Variants in SYT1 observed in about 807,000 individuals in gnomAD.
SYT1 encodes the protein synaptotagmin 1, also known as synaptotagmin-1.
A neutral mutation model predicts 44.8 loss-of-function variants in SYT1; 8 were observed. The ratio of observed to expected loss-of-function variants is 0.18; its 90% confidence interval spans 0.10 to 0.32. The LOEUF (loss-of-function observed/expected upper bound fraction) is 0.32, where lower values mean the gene tolerates loss of function less well. Ranked by LOEUF, SYT1 falls within the 10% of genes least tolerant of loss-of-function variation. The pLI is 1.00. For missense variants in SYT1, 286 were observed against 509.3 expected (o/e 0.56, Z 4.22); for synonymous variants, 154 against 188.8 (o/e 0.82, Z 1.51).
At chr12:79,156,193 C>A (rs1051642842) in intron 3 of SYT1, among the ~76,000 whole-genome samples, 2 of 152,118 alleles carry the variant, frequency 1.3e-5, no homozygotes, top group Non-Finnish European at 2.9e-5. Context: ...AATGAACTGA[C>A]AGAATTGTGA....
At chr12:78,978,244 T>G (rs1368407693) in intron 2 of SYT1, among the ~76,000 whole-genome samples, 1 of 152,222 alleles carries the variant, frequency 6.6e-6, no homozygotes, top group Admixed American at 6.5e-5. Flanking sequence ...AAAGTTGTCA[T>G]GGTTCATTAT....
intron 3 of SYT1, among the ~76,000 whole-genome samples, chr12:79,216,080 T>A (rs1376775118): frequency 6.6e-6 from 1 of 151,698 alleles, no homozygotes; most frequent in Non-Finnish European, 1.5e-5. Flanking sequence ...TACAGGTGCC[T>A]GCCACCACAC....
chr12:79,089,688 T>C (rs1386075762), intron 3 of SYT1, among the ~76,000 whole-genome samples: 1 of 151,944 alleles, frequency 6.6e-6, no homozygotes, highest in Non-Finnish European at 1.5e-5. Context: ...ACCTCACATA[T>C]CCCAAAAATA....
At chr12:79,157,194 G>C (rs2138287778) in intron 3 of SYT1, among the ~76,000 whole-genome samples, 1 of 152,318 alleles carries the variant, frequency 6.6e-6, no homozygotes, top group Non-Finnish European at 1.5e-5. Flanking sequence ...TGTCACGCAA[G>C]ACAAAGTGAA....
chr12:79,052,490 G>A (rs1047085352), intron 3 of SYT1, among the ~76,000 whole-genome samples: 6 of 152,232 alleles, frequency 3.9e-5, no homozygotes, highest in South Asian at 2.1e-4. Flanking sequence ...GGCAACAAAA[G>A]CCAAAATTGA....
intron 9 of SYT1, among the ~76,000 whole-genome samples, chr12:79,433,705 A>G (rs983735735): frequency 5.9e-5 from 9 of 152,242 alleles, no homozygotes; most frequent in African/African-American, 2.2e-4. Flanking sequence ...ATCTAGAAAG[A>G]ATCAGACATT....
chr12:78,912,770 T>C (rs1381624625), intron 1 of SYT1, among the ~76,000 whole-genome samples: 1 of 151,958 alleles, frequency 6.6e-6, no homozygotes, highest in Non-Finnish European at 1.5e-5. Context: ...AGTGTTCATA[T>C]AATAAGCAGG....
chr12:79,162,968 G>A (rs1372068520), intron 3 of SYT1, among the ~76,000 whole-genome samples: 1 of 152,092 alleles, frequency 6.6e-6, no homozygotes, highest in Non-Finnish European at 1.5e-5. Context: ...GAATGTTCCT[G>A]AGAAATCTCA....
At chr12:79,438,795 G>T (rs1287457810) in intron 9 of SYT1, among the ~76,000 whole-genome samples, 2 of 152,172 alleles carry the variant, frequency 1.3e-5, no homozygotes, top group African/African-American at 4.8e-5. Context: ...CTGTCTTGGA[G>T]CTGAGGAACA....
chr12:79,014,424 A>G (rs895556657), intron 2 of SYT1, among the ~76,000 whole-genome samples: 4 of 152,192 alleles, frequency 2.6e-5, no homozygotes, highest in Non-Finnish European at 4.4e-5. Context: ...TGCATTCTCA[A>G]AAGAAGACAT....
intron 3 of SYT1, among the ~76,000 whole-genome samples, chr12:79,213,449 A>G (rs1273655813): frequency 6.6e-6 from 1 of 152,166 alleles, no homozygotes. Flanking sequence ...ATAACCTCCT[A>G]TGACTTACTT....
chr12:79,221,981 C>A (rs1009098003), intron 4 of SYT1, among the ~76,000 whole-genome samples: 1 of 152,054 alleles, frequency 6.6e-6, no homozygotes, highest in Non-Finnish European at 1.5e-5. Context: ...ATAAGACAGG[C>A]CTGGTGGTAA....
intron 10 of SYT1, among the ~76,000 whole-genome samples, chr12:79,447,186 C>T (rs1245098592): frequency 3.3e-5 from 5 of 152,024 alleles, no homozygotes; most frequent in African/African-American, 7.2e-5. Flanking sequence ...ATCCCTCTTT[C>T]TCTGCTCCTT....
At chr12:79,394,438 C>T (rs1220594167) in intron 9 of SYT1, among the ~76,000 whole-genome samples, 1 of 152,142 alleles carries the variant, frequency 6.6e-6, no homozygotes, top group Non-Finnish European at 1.5e-5. Flanking sequence ...AACTGACAAA[C>T]ACTGATAAAG....
At chr12:79,351,810 G>A (rs1481132159) in intron 8 of SYT1, among the ~76,000 whole-genome samples, 1 of 152,082 alleles carries the variant, frequency 6.6e-6, no homozygotes, top group Non-Finnish European at 1.5e-5. Context: ...ATTAGTGAAA[G>A]GGGGTTATGA....
At chr12:79,240,965 G>C (rs1164774333) in intron 4 of SYT1, among the ~76,000 whole-genome samples, 2 of 152,122 alleles carry the variant, frequency 1.3e-5, no homozygotes, top group Non-Finnish European at 2.9e-5. Context: ...TTGAGCCCAA[G>C]AGTTGGAGAC....
At chr12:79,137,203 C>T (rs1311719124) in intron 3 of SYT1, among the ~76,000 whole-genome samples, 1 of 152,026 alleles carries the variant, frequency 6.6e-6, no homozygotes, top group African/African-American at 2.4e-5. Context: ...TCAGGCAATT[C>T]TCCTGTCTCA....
intron 1 of SYT1, among the ~76,000 whole-genome samples, chr12:78,927,229 T>C (rs1877350314): frequency 6.6e-6 from 1 of 152,104 alleles, no homozygotes; most frequent in South Asian, 2.1e-4. Flanking sequence ...CTCATACAAC[T>C]TTTTTATGCC....
chr12:79,188,683 T>C (rs532119007), intron 3 of SYT1, among the ~76,000 whole-genome samples: 1 of 152,262 alleles, frequency 6.6e-6, no homozygotes, highest in African/African-American at 2.4e-5. Context: ...ACTCTTTTTT[T>C]CTATCTTGAG....
Sources: allele counts gnomAD v4.1 joint callset (sites outside exome capture counted in the v4.1 genomes callset), GRCh38; gene constraint gnomAD v4.1.1; transcripts MANE v1.5; gene names NCBI Gene and HGNC (gene_info 2026-07-23, HGNC 2026-07-21).